Variants in CNTLN observed in about 807,000 individuals in gnomAD.
CNTLN encodes the protein centlein, centrosomal protein.
CNTLN carries 212 observed loss-of-function variants against 180.0 expected under a neutral mutation model. That is an observed-to-expected ratio of 1.18 (90% CI 1.05 to 1.32). The LOEUF is 1.32. Ranked by LOEUF, CNTLN falls within the 40% of genes most tolerant of loss-of-function variation. CNTLN has a pLI of 0.00. For missense variants in CNTLN, 2,095 were observed against 1,610.9 expected, an observed-to-expected ratio of 1.30 and a Z score of -5.14; for synonymous variants, 722 against 563.1, an observed-to-expected ratio of 1.28 and a Z score of -3.99.
chr9:17,445,161 CATT>C (rs768827427), intron 18 of CNTLN, among the ~76,000 whole-genome samples: 7 of 151,658 alleles, frequency 4.6e-5, no homozygotes, highest in East Asian at 3.9e-4. Flanking sequence ...TAGAAAAAAA[CATT>C]ATTGCTTCTC....
At chr9:17,249,354 GT>G (rs71327899) in intron 5 of CNTLN, among the ~76,000 whole-genome samples, 23 of 99,100 alleles carry the variant, frequency 2.3e-4, no homozygotes, top group East Asian at 3.1e-4. Flanking sequence ...TGTTTTTTTT[GT>G]TTTTTTTTTT....
rs1252618121 is a variant in CNTLN at position 17,469,514 on chromosome 9, A to C, written c.3855+2623A>C. Among the ~76,000 whole-genome samples the C allele has an allele frequency of 4.6e-5, 7 of 151,924 alleles. No individual in the cohort carries two copies. The East Asian group carries it at 1.4e-3, about 29-fold the overall frequency. On this transcript the variant is annotated intron_variant, in intron 23 of 25. Coordinates refer to ENST00000380647, the MANE Select transcript of CNTLN (RefSeq NM_017738.4). ...TGCACATATGGCCCTAGGTCTAGGC[A>C]GAAATGCTTAGGACCCACCATCTGA...
chr9:17,195,759 T>C (rs1822090680), intron 2 of CNTLN, among the ~76,000 whole-genome samples: 1 of 151,984 alleles, frequency 6.6e-6, no homozygotes, highest in Admixed American at 6.5e-5. Flanking sequence ...TTCCCTGACA[T>C]CCCTTATTGA....
intron 6 of CNTLN, among the ~76,000 whole-genome samples, chr9:17,281,865 A>G (rs890965168): frequency 2.6e-5 from 4 of 152,164 alleles, no homozygotes; most frequent in African/African-American, 9.7e-5. Context: ...GAATCGCCAC[A>G]CTGTCTTCCA....
chr9:17,479,053 T>A (rs1832502513), intron 23 of CNTLN, among the ~76,000 whole-genome samples: 1 of 151,996 alleles, frequency 6.6e-6, no homozygotes, highest in South Asian at 2.1e-4. Flanking sequence ...TAAGTGTGAG[T>A]GAGGATGTGG....
intron 18 of CNTLN, among the ~76,000 whole-genome samples, chr9:17,456,916 A>C (rs1831157355): frequency 6.6e-6 from 1 of 152,142 alleles, no homozygotes; most frequent in Admixed American, 6.6e-5. Flanking sequence ...AAAAATTCAA[A>C]ATGTAAGGAG....
In CNTLN at chr9:17,415,830, A is replaced by G; in HGVS notation, c.2839A>G (p.Lys947Glu). ...DKNAKKPTFQ[K>E]KNCKMQKSSH... Reference sequence around the variant, plus strand: ...GAATGCCAAAAAACCAACTTTTCAAAAGAAGAATTGCAAGATGCAAAAGAG... The same window carrying G: ...GAATGCCAAAAAACCAACTTTTCAAGAGAAGAATTGCAAGATGCAAAAGAG... Residue 947 changes from lysine (K) to glutamate (E), a missense_variant, in exon 17 of 26, where the codon AAG becomes GAG. By Grantham distance (56) the Lys-to-Glu change is moderately conservative. Transcript: ENST00000380647. 6.2e-7 allele frequency: 1 copy of G among 1,612,824 alleles called. No homozygotes were observed. The highest frequency in any genetic ancestry group is 8.5e-7 in the Non-Finnish European group (1 of 1,179,398).
chr9:17,232,262 T>G (rs7871008), intron 3 of CNTLN, among the ~76,000 whole-genome samples: 13,247 of 152,024 alleles, frequency 0.087, 927 homozygotes, highest in African/African-American at 0.19. Context: ...TTTTGTGATA[T>G]AAGTAACTAT....
intron 7 of CNTLN, among the ~76,000 whole-genome samples, chr9:17,308,291 GTC>G (rs1328036791): frequency 6.6e-6 from 1 of 152,018 alleles, no homozygotes; most frequent in East Asian, 1.9e-4. Flanking sequence ...TTATTAATAA[GTC>G]TTCAAAATAT....
chr9:17,136,209 T>A (rs534021306), intron 1 of CNTLN, among the ~76,000 whole-genome samples: 1 of 152,318 alleles, frequency 6.6e-6, no homozygotes, highest in South Asian at 2.1e-4. Context: ...AACCTTTAGA[T>A]AGGGTTGGGA....
chr9:17,254,485 T>C (rs1375523909), intron 5 of CNTLN, among the ~76,000 whole-genome samples: 1 of 151,118 alleles, frequency 6.6e-6, no homozygotes, highest in Non-Finnish European at 1.5e-5. Flanking sequence ...TTTGTGTGTA[T>C]GGTGTAAGGG....
At chr9:17,178,906 G>T (rs1587022396) in intron 2 of CNTLN, among the ~76,000 whole-genome samples, 1 of 152,204 alleles carries the variant, frequency 6.6e-6, no homozygotes, top group African/African-American at 2.4e-5. Flanking sequence ...CGCCGAGAGC[G>T]AGGGAGGGCT....
chr9:17,339,180 A>C (rs1821282771), intron 10 of CNTLN, among the ~76,000 whole-genome samples: 1 of 152,326 alleles, frequency 6.6e-6, no homozygotes, highest in South Asian at 2.1e-4. Flanking sequence ...CTTAATAACT[A>C]CTTAAGAGAA....
chr9:17,468,243 G>A (rs1831859542), intron 23 of CNTLN, among the ~76,000 whole-genome samples: 1 of 151,638 alleles, frequency 6.6e-6, no homozygotes, highest in Admixed American at 6.6e-5. Context: ...CTACTTGAGG[G>A]TGAGGGTGGG....
rs1007595305 is a variant in CNTLN, at chr9:17,257,411, A to G, written c.850-16322A>G. 3.0e-3 allele frequency among the ~76,000 whole-genome samples: 464 copies of G among 152,154 alleles called. 4 individuals carry two copies. The highest frequency in any genetic ancestry group is 0.011 in the African/African-American group (440 of 41,478). ...TTTGGGTTGGTTCCAAGTCTTTGCT[A>G]TTGTGAATAATGCCGCAGTAAACAT... On this transcript the variant is annotated intron_variant, in intron 5 of 25. Coordinates refer to ENST00000380647, the MANE Select transcript of CNTLN (RefSeq NM_017738.4).
At chr9:17,438,789 C>G (rs1386752686) in intron 18 of CNTLN, among the ~76,000 whole-genome samples, 13 of 152,002 alleles carry the variant, frequency 8.6e-5, no homozygotes, top group Non-Finnish European at 1.6e-4. Flanking sequence ...AAAAATGAAG[C>G]TGAATGAAAT....
intron 14 of CNTLN, among the ~76,000 whole-genome samples, chr9:17,388,913 A>G (rs1054389241): frequency 1.3e-5 from 2 of 151,946 alleles, no homozygotes; most frequent in Non-Finnish European, 2.9e-5. Flanking sequence ...TATCAAGTTC[A>G]ATTAAGTGGA....
chr9:17,511,667 C>CACAT, the CNTLN span, among the ~76,000 whole-genome samples: 3 of 151,714 alleles, frequency 2.0e-5, no homozygotes, highest in East Asian at 5.9e-4. Context: ...CACACACACA[C>CACAT]ACACGCACAC....
intron 5 of CNTLN, among the ~76,000 whole-genome samples, chr9:17,262,746 TAAAGA>T (rs1490269573): frequency 1.3e-5 from 2 of 151,202 alleles, no homozygotes; most frequent in Non-Finnish European, 2.9e-5. Flanking sequence ...AAAAATAAAA[TAAAGA>T]AAAGAAAGAT....
Sources: allele counts gnomAD v4.1 joint callset (sites outside exome capture counted in the v4.1 genomes callset), GRCh38; gene constraint gnomAD v4.1.1; transcripts MANE v1.5; gene names NCBI Gene and HGNC (gene_info 2026-07-23, HGNC 2026-07-21).